The following TBC1D9 variants were observed in gnomAD, a reference collection of about 807,000 sequenced individuals.
TBC1D9 encodes the protein TBC1 domain family member 9A.
TBC1D9 carries 63 observed loss-of-function variants against 132.0 expected under a neutral mutation model. That is an observed-to-expected ratio of 0.48 (90% CI 0.39 to 0.59). The LOEUF (loss-of-function observed/expected upper bound fraction) is 0.59, where lower values mean the gene tolerates loss of function less well. TBC1D9 is among the 20% of genes least tolerant of loss of function. The pLI is 0.00. For synonymous variants in TBC1D9, 610 were observed against 609.9 expected (o/e 1.00, Z 0.00); for missense variants, 1,261 against 1,592.7 (o/e 0.79, Z 3.54).
At chr4:140,685,432 G>T (rs1594375) in intron 3 of TBC1D9, among the ~76,000 whole-genome samples, 1 of 151,926 alleles carries the variant, frequency 6.6e-6, no homozygotes, top group East Asian at 1.9e-4. Flanking sequence ...AATATCTGAC[G>T]AAATGCAAAA....
intron 1 of TBC1D9, among the ~76,000 whole-genome samples, chr4:140,745,550 C>T (rs1738824288): frequency 6.6e-6 from 1 of 152,134 alleles, no homozygotes; most frequent in African/African-American, 2.4e-5. Flanking sequence ...ATTTAATGAA[C>T]AGTAAATATA....
rs150004188 is a variant in TBC1D9, at chr4:140,634,432, G to C, written c.2506-244C>G. Among the ~76,000 whole-genome samples the C allele has an allele frequency of 1.7e-3, 260 of 152,216 alleles. 1 individual carries two copies. The highest frequency in any genetic ancestry group is 5.8e-3 in the African/African-American group (242 of 41,538). On this transcript the variant is annotated intron_variant, in intron 15 of 20. Coordinates refer to ENST00000442267, the MANE Select transcript of TBC1D9 (RefSeq NM_015130.3). ...CTGGAAGGTCTGCTTCAATTACTGGGTGTAGGTGAAGAAAGAAAGGGAACT... is the reference window on the plus strand; with the variant it reads ...CTGGAAGGTCTGCTTCAATTACTGGCTGTAGGTGAAGAAAGAAAGGGAACT...
chr4:140,643,702 A>T, intron 13 of TBC1D9: 1 of 1,199,532 alleles, frequency 8.3e-7, no homozygotes, highest in South Asian at 1.5e-5. Flanking sequence ...CCCAGGTCCA[A>T]TGCGGCCGTG....
intron 15 of TBC1D9, among the ~76,000 whole-genome samples, chr4:140,635,422 C>T (rs1736864276): frequency 6.6e-6 from 1 of 152,160 alleles, no homozygotes; most frequent in South Asian, 2.1e-4. Flanking sequence ...GTCAAGTCTG[C>T]AGTGACCCGG....
At chr4:140,701,479 T>G (rs1428986506) in intron 2 of TBC1D9, 25 bp downstream of exon 2, 2 of 1,572,646 alleles carry the variant, frequency 1.3e-6, no homozygotes, top group Non-Finnish European at 1.7e-6. Flanking sequence ...TTAAAACTTG[T>G]GTATTTCTGG....
At chr4:140,623,735 A>G (rs867187933) in intron 20 of TBC1D9, among the ~76,000 whole-genome samples, 9 of 152,240 alleles carry the variant, frequency 5.9e-5, no homozygotes, top group Admixed American at 2.0e-4. Flanking sequence ...AATTATTTAT[A>G]TTGTTTTTTT....
Position 140,745,988 on chromosome 4 carries a change from G to A in TBC1D9, c.130+9928C>T, listed in dbSNP as rs149829136. Among the ~76,000 whole-genome samples the A allele has an allele frequency of 2.3e-3, 351 of 152,234 alleles. 4 individuals carry two copies. The highest frequency in any genetic ancestry group is 7.7e-3 in the African/African-American group (318 of 41,550). On this transcript the variant is annotated intron_variant, in intron 1 of 20. Coordinates refer to ENST00000442267, the MANE Select transcript of TBC1D9 (RefSeq NM_015130.3). ...TAAAATGGAAAGTCTCCCTAGTTGT[G>A]GAGGTCTCCACTGAATGCACTATGT...
intron 2 of TBC1D9, among the ~76,000 whole-genome samples, chr4:140,700,619 G>A (rs1333474340): frequency 6.6e-6 from 1 of 150,548 alleles, no homozygotes; most frequent in Admixed American, 6.6e-5. Flanking sequence ...TCAGGAGTTC[G>A]AGACCAGCCT....
Position 140,622,723 on chromosome 4 carries a change from G to A in TBC1D9, c.3273C>T (p.Ile1091=). 2 of 1,609,976 alleles carry A rather than the reference G, an allele frequency of 1.2e-6. No individual in the cohort carries two copies. The highest frequency in any genetic ancestry group is 1.7e-6 in the Non-Finnish European group (2 of 1,179,746). ...CTTTCTTGGGGAAGAGCACGCCTGG[G>A]ATGCCCTGGTGGCAGGACGGCCCAC... is the stretch of plus-strand genomic sequence containing the variant. The part of the protein sequence containing the change: ...GGSGPSCHQG[I]PGVLFPKKGP... The change falls in exon 21 of 21, where the codon ATC becomes ATT. Residue 1091 remains isoleucine (I), a synonymous_variant. Coordinates refer to ENST00000442267, the MANE Select transcript of TBC1D9 (RefSeq NM_015130.3).
At chr4:140,749,090 G>T (rs1738882988) in intron 1 of TBC1D9, among the ~76,000 whole-genome samples, 2 of 151,994 alleles carry the variant, frequency 1.3e-5, no homozygotes, top group African/African-American at 4.8e-5. Flanking sequence ...TAATGGCCAG[G>T]TGCAGTGACT....
chr4:140,658,105 C>CA (rs1244762177), intron 11 of TBC1D9, among the ~76,000 whole-genome samples: 1 of 152,146 alleles, frequency 6.6e-6, no homozygotes, highest in Non-Finnish European at 1.5e-5. Context: ...TCGTGACATA[C>CA]AATTAGTTAT....
intron 1 of TBC1D9, among the ~76,000 whole-genome samples, chr4:140,746,832 A>G (rs1449728016): frequency 1.3e-5 from 2 of 152,094 alleles, no homozygotes; most frequent in Non-Finnish European, 2.9e-5. Context: ...TCAAGATGAG[A>G]TTTGAGTGGG....
At chr4:140,676,709 G>A (rs1318802248) in intron 6 of TBC1D9, among the ~76,000 whole-genome samples, 185 bp downstream of exon 6, 4 of 152,094 alleles carry the variant, frequency 2.6e-5, no homozygotes, top group African/African-American at 9.7e-5. Context: ...GCTTCTGGAA[G>A]AAGAGATCTC....
chr4:140,717,912 A>G (rs1351257368), intron 1 of TBC1D9, among the ~76,000 whole-genome samples: 1 of 152,156 alleles, frequency 6.6e-6, no homozygotes, highest in Non-Finnish European at 1.5e-5. Context: ...CAAGCTAGCA[A>G]TATACTTGTT....
chr4:140,751,474 T>C (rs1166277981), intron 1 of TBC1D9, among the ~76,000 whole-genome samples: 1 of 152,158 alleles, frequency 6.6e-6, no homozygotes, highest in Non-Finnish European at 1.5e-5. Flanking sequence ...GGGTTAAAAC[T>C]GTTACATTTC....
rs140673735 is a variant in TBC1D9, at chr4:140,714,757, T to G, written c.131-13143A>C. 3.3e-4 allele frequency among the ~76,000 whole-genome samples: 50 copies of G among 152,280 alleles called. 1 individual carries two copies. Among genetic ancestry groups the G allele is most frequent in the African/African-American group, 1.2e-3 (49 of 41,556 alleles). Reference sequence around the variant, plus strand: ...AGAAATACATTTTGGGGTAAAATAATTTTTTCAGAGTCTGCTCTCTGTCAT... The same window carrying G: ...AGAAATACATTTTGGGGTAAAATAAGTTTTTCAGAGTCTGCTCTCTGTCAT... On this transcript the variant is annotated intron_variant, in intron 1 of 20. Coordinates refer to ENST00000442267, the MANE Select transcript of TBC1D9 (RefSeq NM_015130.3).
At chr4:140,745,308 A>T (rs1344648128) in intron 1 of TBC1D9, among the ~76,000 whole-genome samples, 1 of 152,196 alleles carries the variant, frequency 6.6e-6, no homozygotes, top group Non-Finnish European at 1.5e-5. Context: ...TTTCATTGAC[A>T]CCAATTATAA....
chr4:140,666,335 A>T (rs1737443175), intron 9 of TBC1D9, among the ~76,000 whole-genome samples: 1 of 151,946 alleles, frequency 6.6e-6, no homozygotes, highest in Non-Finnish European at 1.5e-5. Context: ...AACAGTTTAT[A>T]TTTATTTTCC....
chr4:140,755,404 G>A (rs1231829965), intron 1 of TBC1D9, among the ~76,000 whole-genome samples: 1 of 152,132 alleles, frequency 6.6e-6, no homozygotes, highest in Non-Finnish European at 1.5e-5. Context: ...AAAAATTCCT[G>A]TTTCCGTATT....
Sources: allele counts gnomAD v4.1 joint callset (sites outside exome capture counted in the v4.1 genomes callset), GRCh38; gene constraint gnomAD v4.1.1; transcripts MANE v1.5; gene names NCBI Gene and HGNC (gene_info 2026-07-23, HGNC 2026-07-21).